LRRC27: variants seen among roughly 807,000 people sequenced by gnomAD.
LRRC27 encodes the protein leucine rich repeat containing 27.
Under a neutral mutation model 55.0 loss-of-function variants are expected in LRRC27, and 57 were observed. That is an observed-to-expected ratio of 1.04 (90% CI 0.84 to 1.29). The LOEUF is 1.29. Ranked by LOEUF, LRRC27 falls within the 50% of genes most tolerant of loss-of-function variation. The pLI is 0.00. For missense variants in LRRC27, 721 were observed against 651.5 expected, an observed-to-expected ratio of 1.11 and a Z score of -1.16; for synonymous variants, 278 against 251.9, an observed-to-expected ratio of 1.10 and a Z score of -0.98.
At chr10:132,342,791 A>G (rs1178281262) in intron 4 of LRRC27, among the ~76,000 whole-genome samples, 13 of 152,246 alleles carry the variant, frequency 8.5e-5, no homozygotes, top group Admixed American at 8.5e-4. Context: ...CTAGTAGCCC[A>G]GGAAAAAATG....
chr10:132,332,145 A>T (rs1318512289), upstream of LRRC27: 1 of 171,802 alleles, frequency 5.8e-6, no homozygotes, highest in Admixed American at 6.4e-5. Flanking sequence ...CGCCTGCGGG[A>T]TTCCGTACCG....
At chr10:132,373,708 AG>A (rs760300134) in intron 10 of LRRC27, among the ~76,000 whole-genome samples, 1 of 152,206 alleles carries the variant, frequency 6.6e-6, no homozygotes, top group Admixed American at 6.5e-5. Flanking sequence ...GGAAGGTAAG[AG>A]TTCCAGAAGA....
intron 3 of LRRC27, among the ~76,000 whole-genome samples, chr10:132,339,130 T>C (rs2067271605): frequency 6.6e-6 from 1 of 152,108 alleles, no homozygotes; most frequent in East Asian, 1.9e-4. Flanking sequence ...TGGGTGGGAC[T>C]TCAGAGCTGG....
In LRRC27 at chr10:132,337,598, A is replaced by C; in HGVS notation, c.244A>C (p.Ile82Leu). ...TCTGCAAAGGAATGCCCTGTGTGTG[A>C]TTCCTCAAGATTTCTTTCAGTTGCT... The part of the protein sequence containing the change: ...LHLQRNALCV[I>L]PQDFFQLLPN... The change falls in exon 3 of 11, where the codon ATT becomes CTT. Residue 82 changes from isoleucine (I) to leucine (L), a missense_variant. Ile to Leu is a conservative substitution (Grantham distance 5, BLOSUM62 2). Coordinates refer to ENST00000368614, the MANE Select transcript of LRRC27 (RefSeq NM_030626.3). The C allele has an allele frequency of 1.2e-6, 2 of 1,614,192 alleles. No homozygotes were observed. Among genetic ancestry groups the C allele is most frequent in the Non-Finnish European group, 1.7e-6 (2 of 1,180,024 alleles).
At chr10:132,360,410 G>T (rs2068557933) in intron 8 of LRRC27, among the ~76,000 whole-genome samples, 1 of 152,178 alleles carries the variant, frequency 6.6e-6, no homozygotes, top group African/African-American at 2.4e-5. Context: ...TTTAGCATTT[G>T]TTCTTTTCTT....
In LRRC27 at chr10:132,374,692, C is replaced by T. The variant is rs908208850; in HGVS notation, c.1417-374C>T. 8.5e-5 allele frequency among the ~76,000 whole-genome samples: 13 copies of T among 152,142 alleles called. No homozygotes were observed. The highest frequency in any genetic ancestry group is 6.5e-4 in the Admixed American group (10 of 15,286). On this transcript the variant is annotated intron_variant, in intron 10 of 10. Coordinates refer to ENST00000368614, the MANE Select transcript of LRRC27 (RefSeq NM_030626.3). The surrounding 1 kb of genome is among the most constrained non-coding windows in gnomAD (Gnocchi z 4.4). The stretch of plus-strand genomic sequence containing the variant: ...TGGTGATGCTTGCCAAGACACTGCC[C>T]GGGGTGTGGCATCAGCCTTCCCTTT...
At position 132,375,047 on chromosome 10, in the gene LRRC27, C is replaced by T; in HGVS notation, c.1417-19C>T. ...CCTGCCAGCCTTTCTAACATCTCCC[C>T]CTCCTTGTCTCCCATAAGGCCACAG... is the stretch of plus-strand genomic sequence containing the variant. On this transcript the variant is annotated intron_variant, in intron 10 of 10. Transcript: ENST00000368614. 1 of 1,597,686 alleles carries T rather than the reference C, an allele frequency of 6.3e-7. No individual in the cohort carries two copies. Among genetic ancestry groups the T allele is most frequent in the Non-Finnish European group, 8.6e-7 (1 of 1,168,916 alleles).
chr10:132,352,974 C>T (rs375814821), intron 7 of LRRC27: 42 of 1,613,584 alleles, frequency 2.6e-5, no homozygotes, highest in Non-Finnish European at 3.5e-5. Context: ...CCGCCAGTGC[C>T]ACCACCTTGC....
chr10:132,372,345 T>A lies in LRRC27; in HGVS notation c.1417-2721T>A, dbSNP rs893308450. ...ACTTTGGGAGGCCAAGGCAGGTGAATCACCTGAGGTCAGGAGTTTGAGACC... is the reference window on the plus strand; with the variant it reads ...ACTTTGGGAGGCCAAGGCAGGTGAAACACCTGAGGTCAGGAGTTTGAGACC... On this transcript the variant is annotated intron_variant, in intron 10 of 10. Transcript: ENST00000368614. This position sits in a 1 kb window ranked among gnomAD's most constrained non-coding sequence, Gnocchi z 4.0. 1.3e-5 allele frequency among the ~76,000 whole-genome samples: 2 copies of A among 152,170 alleles called. No homozygotes were observed. Among genetic ancestry groups the A allele is most frequent in the African/African-American group, 4.8e-5 (2 of 41,446 alleles).
chr10:132,361,472 C>T lies in LRRC27; in HGVS notation c.1186C>T (p.Pro396Ser), dbSNP rs201863919. 6.2e-6 allele frequency: 10 copies of T among 1,612,946 alleles called. No individual in the cohort carries two copies. The East Asian group carries it at 1.6e-4, about 25-fold the overall frequency. The change falls in exon 9 of 11, where the codon CCC becomes TCC. Residue 396 changes from proline to serine, a missense_variant. Pro to Ser is a moderately conservative substitution (Grantham distance 74, BLOSUM62 -1). Coordinates refer to ENST00000368614, the MANE Select transcript of LRRC27 (RefSeq NM_030626.3). The part of the protein sequence containing the change: ...PRRSMVASKI[P>S]SATDLIDNRK... ...ATTTTCCTAGGTGGCATCAAAGATT[C>T]CCTCTGCCACAGATCTGATAGATAA...
At chr10:132,364,723 C>T (rs1173974225) in intron 9 of LRRC27, among the ~76,000 whole-genome samples, 13 of 21,532 alleles carry the variant, frequency 6.0e-4, no homozygotes, top group African/African-American at 1.1e-3. Flanking sequence ...ATGCAGTCCG[C>T]GTCCACACTT....
chr10:132,354,804 CAAG>C (rs1345582397), intron 7 of LRRC27, among the ~76,000 whole-genome samples: 1 of 152,160 alleles, frequency 6.6e-6, no homozygotes, highest in Non-Finnish European at 1.5e-5. Context: ...ATGGGAGAAA[CAAG>C]AGGAGGCCGG....
At position 132,366,695 on chromosome 10, in the gene LRRC27, G is replaced by A. The variant is rs932108051; in HGVS notation, c.1416+1145G>A. On this transcript the variant is annotated intron_variant, in intron 10 of 10. Transcript: ENST00000368614. ...TCTTCCAGGTCAGTGTACCATGCCCGAACACAGGTCAGGCTGGTGCGAGCT... is the reference window on the plus strand; with the variant it reads ...TCTTCCAGGTCAGTGTACCATGCCCAAACACAGGTCAGGCTGGTGCGAGCT... The A allele has an allele frequency of 2.6e-5, 11 of 428,104 alleles. No individual in the cohort carries two copies. In the South Asian group the frequency reaches 2.7e-4, roughly 11 times the overall value. 26.5% of individuals were successfully genotyped at this position (428,104 alleles called of 1,614,324 possible).
intron 8 of LRRC27, among the ~76,000 whole-genome samples, chr10:132,360,745 A>G (rs904463150): frequency 6.6e-6 from 1 of 152,124 alleles, no homozygotes; most frequent in Non-Finnish European, 1.5e-5. Flanking sequence ...TGCTAAATGG[A>G]CCCTACGAGT....
chr10:132,331,179 A>C (rs995372530), upstream of LRRC27, among the ~76,000 whole-genome samples: 6 of 133,428 alleles, frequency 4.5e-5, no homozygotes, highest in Admixed American at 2.5e-4. Flanking sequence ...CCAGCCTGGG[A>C]GACAAAGCAA....
At chr10:132,367,547 C>T (rs1451705859) in intron 10 of LRRC27, among the ~76,000 whole-genome samples, 2 of 152,220 alleles carry the variant, frequency 1.3e-5, no homozygotes, top group African/African-American at 2.4e-5. Context: ...ATCACACACC[C>T]TAATTCAACG....
Position 132,348,963 on chromosome 10 carries a change from G to T in LRRC27, c.926+607G>T. On this transcript the variant is annotated intron_variant, in intron 6 of 10. Coordinates refer to ENST00000368614, the MANE Select transcript of LRRC27 (RefSeq NM_030626.3). This position sits in a 1 kb window ranked among gnomAD's most constrained non-coding sequence, Gnocchi z 4.2. The stretch of plus-strand genomic sequence containing the variant: ...GATTTTATTTTCCTTTCACACCCAG[G>T]ACAAGGGTCCCTAGGAAACAGGCTC... 2.5e-6 allele frequency: 4 copies of T among 1,602,714 alleles called. No homozygotes were observed. Among genetic ancestry groups the T allele is most frequent in the African/African-American group, 1.3e-5 (1 of 74,782 alleles).
rs760985376 is a variant in LRRC27 at position 132,344,540 on chromosome 10, C to T, written c.443C>T (p.Pro148Leu). The change falls in exon 5 of 11, where the codon CCT becomes CTT. Residue 148 changes from proline (P) to leucine (L), a missense_variant. Physicochemically the swap from Pro to Leu is moderately conservative, Grantham distance 98. Coordinates refer to ENST00000368614, the MANE Select transcript of LRRC27 (RefSeq NM_030626.3). The part of the protein sequence containing the change: ...TLKALNLRHC[P>L]LEFPPQLVVQ... ...AAAGCACTGAACCTAAGACACTGCC[C>T]TCTGGAATTCCCTCCTCAGCTCGTT... is the stretch of plus-strand genomic sequence containing the variant. 3 of 1,614,162 alleles carry T rather than the reference C, an allele frequency of 1.9e-6. No individual in the cohort carries two copies. The highest frequency in any genetic ancestry group is 2.2e-5 in the East Asian group (1 of 44,882).
Position 132,372,532 on chromosome 10 carries a change from C to T in LRRC27, c.1417-2534C>T, listed in dbSNP as rs1159422864. ...GCAGTGAGCTGAGATGGCACCATCGCACTCCAGCCTGGGCAACAAGAGCGA... is the reference window on the plus strand; with the variant it reads ...GCAGTGAGCTGAGATGGCACCATCGTACTCCAGCCTGGGCAACAAGAGCGA... On this transcript the variant is annotated intron_variant, in intron 10 of 10. Transcript: ENST00000368614. This position sits in a 1 kb window ranked among gnomAD's most constrained non-coding sequence, Gnocchi z 4.0. Among the ~76,000 whole-genome samples the T allele has an allele frequency of 6.6e-6, 1 of 152,330 alleles. No homozygotes were observed. Among genetic ancestry groups the T allele is most frequent in the Admixed American group, 6.5e-5 (1 of 15,306 alleles).
Sources: gnomAD v4.1 joint callset for allele counts (sites outside exome capture counted in the v4.1 genomes callset) on GRCh38, gnomAD v4.1.1 for gene constraint, Gnocchi (gnomAD v3.1) non-coding constraint, MANE v1.5 for transcripts, NCBI Gene and HGNC (gene_info 2026-07-23, HGNC 2026-07-21) for gene names.